The following KAT2B variants were observed in gnomAD, a reference collection of about 807,000 sequenced individuals.
The protein encoded by KAT2B is histone acetyltransferase KAT2B.
KAT2B carries 36 observed loss-of-function variants against 105.9 expected under a neutral mutation model. The ratio of observed to expected loss-of-function variants is 0.34; its 90% CI spans 0.26 to 0.45. The LOEUF (loss-of-function observed/expected upper bound fraction) is 0.45, where lower values mean the gene tolerates loss of function less well. Among genes scored for constraint, KAT2B ranks in the 20% least tolerant of loss-of-function variants. The pLI, the probability that KAT2B is intolerant of heterozygous loss-of-function variation, is 1.00. For synonymous variants in KAT2B, 397 were observed against 377.9 expected, an observed-to-expected ratio of 1.05 and a Z score of -0.59; for missense variants, 820 against 1,021.6, an observed-to-expected ratio of 0.80 and a Z score of 2.69.
chr3:20,083,467 G>C (rs888563578), intron 2 of KAT2B, among the ~76,000 whole-genome samples: 4 of 152,188 alleles, frequency 2.6e-5, no homozygotes, highest in African/African-American at 9.6e-5. Context: ...CAGTTAGAGT[G>C]AGGTTCACCT....
At chr3:20,115,254 C>T (rs960181343) in intron 7 of KAT2B, among the ~76,000 whole-genome samples, 3 of 152,156 alleles carry the variant, frequency 2.0e-5, no homozygotes, top group Admixed American at 6.5e-5. Context: ...TGAGTGAAAG[C>T]GGCAGTCTTG....
At chr3:20,150,930 TGG>T (rs1699859236) in intron 17 of KAT2B, among the ~76,000 whole-genome samples, 1 of 152,200 alleles carries the variant, frequency 6.6e-6, no homozygotes, top group Non-Finnish European at 1.5e-5. Context: ...CATATTATAT[TGG>T]GCAGCATATC....
chr3:20,053,229 A>G (rs2125167268), intron 1 of KAT2B, among the ~76,000 whole-genome samples: 1 of 152,186 alleles, frequency 6.6e-6, no homozygotes. Context: ...TGCAAGTTAC[A>G]ATTAAATTCT....
intron 9 of KAT2B, among the ~76,000 whole-genome samples, chr3:20,123,667 A>G (rs1419509176): frequency 1.3e-5 from 2 of 152,150 alleles, no homozygotes; most frequent in Non-Finnish European, 2.9e-5. Context: ...TCAGTTAGGG[A>G]TTGTGCATTG....
At chr3:20,124,800 C>G (rs551109497) in intron 9 of KAT2B, among the ~76,000 whole-genome samples, 1 of 152,236 alleles carries the variant, frequency 6.6e-6, no homozygotes, top group African/African-American at 2.4e-5. Flanking sequence ...TAGCATGGCA[C>G]CTGGTTACCT....
At chr3:20,082,711 C>T (rs529389714) in intron 2 of KAT2B, among the ~76,000 whole-genome samples, 2 of 152,296 alleles carry the variant, frequency 1.3e-5, no homozygotes, top group East Asian at 3.9e-4. Flanking sequence ...CCTTAAAGAA[C>T]TGCCAACGTA....
chr3:20,054,975 A>G (rs549745872), intron 1 of KAT2B, among the ~76,000 whole-genome samples: 1 of 152,276 alleles, frequency 6.6e-6, no homozygotes, highest in East Asian at 1.9e-4. Context: ...TATTAAGTGA[A>G]AGAAAAATTA....
At chr3:20,101,219 C>A in intron 4 of KAT2B, 68 bp from the exon 5 acceptor site, 1 of 1,262,976 alleles carries the variant, frequency 7.9e-7, no homozygotes, top group Non-Finnish European at 1.1e-6. Context: ...ATCATGCTGG[C>A]TGTGTGGGTG....
At chr3:20,144,450 A>G (rs949613378) in intron 13 of KAT2B, among the ~76,000 whole-genome samples, 17 of 151,500 alleles carry the variant, frequency 1.1e-4, no homozygotes, top group African/African-American at 4.1e-4. Flanking sequence ...CACCATGCCC[A>G]GCTAATTTTT....
At chr3:20,121,832 C>T (rs1394481328) in intron 8 of KAT2B, among the ~76,000 whole-genome samples, 1 of 149,126 alleles carries the variant, frequency 6.7e-6, no homozygotes, top group Non-Finnish European at 1.5e-5. Flanking sequence ...GACTCATGAA[C>T]AAGCCTGCCA....
chr3:20,144,251 G>A (rs1668530042), intron 13 of KAT2B, among the ~76,000 whole-genome samples: 1 of 144,660 alleles, frequency 6.9e-6, no homozygotes, highest in Non-Finnish European at 1.5e-5. Flanking sequence ...TGAAGGTGTC[G>A]ATTTAAGAGA....
chr3:20,052,346 T>G (rs1286953333), intron 1 of KAT2B, among the ~76,000 whole-genome samples: 2 of 152,230 alleles, frequency 1.3e-5, no homozygotes, highest in African/African-American at 4.8e-5. Flanking sequence ...AGCGGAGATT[T>G]GGGTTCATGG....
chr3:20,126,085 G>T lies in KAT2B; in HGVS notation c.1594G>T (p.Glu532Ter). 6.2e-7 allele frequency: 1 copy of T among 1,611,108 alleles called. No individual in the cohort carries two copies. The highest frequency in any genetic ancestry group is 8.5e-7 in the Non-Finnish European group (1 of 1,178,482). Residue 532 changes from glutamate (E) to a stop codon, truncating the protein, a stop_gained, in exon 10 of 18, where the codon GAA becomes TAA. Transcript: ENST00000263754. LOFTEE classifies it high-confidence loss of function. ...CCACCAGCTGCCCCGAATGCCAAAA[G>T]AATACATCACACGGCTCGTCTTTGA... ...FSHQLPRMPKEYITRLVFDPK... is the reference protein window; with the variant it reads ...FSHQLPRMPK
chr3:20,070,462 G>A (rs150041206), intron 1 of KAT2B, among the ~76,000 whole-genome samples: 12,964 of 150,826 alleles, frequency 0.086, 1,045 homozygotes, highest in East Asian at 0.31. Context: ...CTGCCACCAC[G>A]CCCGGCTAAT....
chr3:20,133,058 A>G (rs1421693602), intron 11 of KAT2B, among the ~76,000 whole-genome samples: 1 of 152,222 alleles, frequency 6.6e-6, no homozygotes, highest in Non-Finnish European at 1.5e-5. Flanking sequence ...ATTTTTAATT[A>G]TGTAAGACAT....
intron 11 of KAT2B, among the ~76,000 whole-genome samples, chr3:20,129,918 A>C (rs1699479121): frequency 6.6e-6 from 1 of 152,186 alleles, no homozygotes; most frequent in Non-Finnish European, 1.5e-5. Context: ...GGCTATTGGT[A>C]CTTTAGCTTT....
chr3:20,088,632 A>G (rs879051868), intron 2 of KAT2B, among the ~76,000 whole-genome samples: 1 of 152,162 alleles, frequency 6.6e-6, no homozygotes, highest in Non-Finnish European at 1.5e-5. Flanking sequence ...TTCCTTATAT[A>G]TTTTGGATAT....
At chr3:20,063,294 T>G (rs1009000323) in intron 1 of KAT2B, among the ~76,000 whole-genome samples, 8 of 151,786 alleles carry the variant, frequency 5.3e-5, no homozygotes, top group African/African-American at 1.7e-4. Flanking sequence ...CTTGAACTCC[T>G]GACCTTCCCA....
chr3:20,122,940 C>T (rs1370992551), intron 9 of KAT2B, 136 bp downstream of exon 9: 2 of 1,380,864 alleles, frequency 1.4e-6, no homozygotes, highest in Admixed American at 3.0e-5. Context: ...ACCTGGTGGT[C>T]AGTGTGGAGA....
Sources: gnomAD v4.1 joint callset for allele counts (sites outside exome capture counted in the v4.1 genomes callset) on GRCh38, gnomAD v4.1.1 for gene constraint, MANE v1.5 for transcripts, NCBI Gene and HGNC (gene_info 2026-07-23, HGNC 2026-07-21) for gene names.